ABCA13: variants seen among roughly 807,000 people sequenced by gnomAD.
ABCA13 encodes the protein ATP-binding cassette sub-family A member 13.
ABCA13 carries 476 observed loss-of-function variants against 478.7 expected under a neutral mutation model. The observed-to-expected ratio is 0.99, with a 90% CI of 0.92 to 1.07. The LOEUF is 1.07. ABCA13 is among the 50% of genes least tolerant of loss of function. The probability of loss-of-function intolerance (pLI) is 0.00; values close to 1 mark genes in which losing one functional copy is unlikely to be tolerated. For missense variants in ABCA13, 6,060 were observed against 5,910.6 expected (o/e 1.03, Z -0.83); for synonymous variants, 2,252 against 2,158.9 (o/e 1.04, Z -1.20).
chr7:48,432,969 C>T (rs1822344559), intron 42 of ABCA13, among the ~76,000 whole-genome samples: 4 of 151,932 alleles, frequency 2.6e-5, no homozygotes, highest in Admixed American at 2.6e-4. Context: ...TGAGTTTTCT[C>T]ATCACAAAAA....
chr7:48,640,556 C>A (rs1017392491), intron 59 of ABCA13, among the ~76,000 whole-genome samples: 2 of 152,106 alleles, frequency 1.3e-5, no homozygotes, highest in African/African-American at 4.8e-5. Flanking sequence ...TATTTAATCA[C>A]CGATTATACA....
At chr7:48,410,983 CTTTCTTTCTT>C (rs1563207694) in intron 40 of ABCA13, among the ~76,000 whole-genome samples, 99 of 59,850 alleles carry the variant, frequency 1.7e-3, no homozygotes, top group African/African-American at 3.2e-3. Flanking sequence ...TTTTCTCTTT[CTTTCTTTCTT>C]TCTTTCTTTC....
intron 56 of ABCA13, among the ~76,000 whole-genome samples, chr7:48,583,380 C>T (rs1328626257): frequency 6.6e-6 from 1 of 152,160 alleles, no homozygotes; most frequent in African/African-American, 2.4e-5. Flanking sequence ...CTTTACGACT[C>T]ATTTTGGTCT....
intron 3 of ABCA13, among the ~76,000 whole-genome samples, chr7:48,201,048 C>G (rs532482168): frequency 6.6e-6 from 1 of 152,114 alleles, no homozygotes; most frequent in Non-Finnish European, 1.5e-5. Flanking sequence ...TCGCTCACCG[C>G]GCAGAGCTCT....
chr7:48,443,229 A>G (rs1823862549), intron 42 of ABCA13, among the ~76,000 whole-genome samples: 2 of 152,170 alleles, frequency 1.3e-5, no homozygotes, highest in Non-Finnish European at 2.9e-5. Flanking sequence ...AGTCTGTGGT[A>G]GTTTGTTTGG....
At chr7:48,228,805 C>T (rs1788632624) in intron 6 of ABCA13, among the ~76,000 whole-genome samples, 1 of 152,192 alleles carries the variant, frequency 6.6e-6, no homozygotes, top group Admixed American at 6.5e-5. Context: ...AAATGCCTCC[C>T]TTTGTATTCT....
intron 15 of ABCA13, among the ~76,000 whole-genome samples, chr7:48,264,884 TA>T (rs1794672534): frequency 1.3e-5 from 2 of 151,790 alleles, no homozygotes; most frequent in Admixed American, 1.3e-4. Flanking sequence ...TTTTTGCCTA[TA>T]TATTTTTTCT....
At position 48,172,146 on chromosome 7, in the gene ABCA13, G is replaced by A. The variant is rs185825475; in HGVS notation, c.69+594G>A. Among the ~76,000 whole-genome samples, 448 of 152,338 alleles carry A rather than the reference G, an allele frequency of 2.9e-3. 4 individuals carry two copies. Among genetic ancestry groups the A allele is most frequent in the Admixed American group, 7.8e-3 (120 of 15,304 alleles). ...GAATACTTATGCAAATATCCTGTAA[G>A]TGTACGTTTTTGTGAAATAGAAATC... is the stretch of plus-strand genomic sequence containing the variant. On this transcript the variant is annotated intron_variant, in intron 1 of 61. Coordinates refer to ENST00000435803, the MANE Select transcript of ABCA13 (RefSeq NM_152701.5).
intron 3 of ABCA13, among the ~76,000 whole-genome samples, chr7:48,205,263 T>C (rs534041521): frequency 1.9e-4 from 29 of 152,262 alleles, no homozygotes; most frequent in Non-Finnish European, 3.7e-4. Flanking sequence ...CACCCGCTGG[T>C]CTGGAATTCA....
intron 55 of ABCA13, among the ~76,000 whole-genome samples, chr7:48,543,026 T>C (rs919513792): frequency 6.6e-6 from 1 of 151,694 alleles, no homozygotes; most frequent in Non-Finnish European, 1.5e-5. Flanking sequence ...TTTACATTAG[T>C]GATAAAAGGA....
chr7:48,394,443 A>G (rs2129059332), intron 38 of ABCA13, among the ~76,000 whole-genome samples: 1 of 152,196 alleles, frequency 6.6e-6, no homozygotes, highest in East Asian at 1.9e-4. Flanking sequence ...CTCAGACACC[A>G]TCTTACCAGA....
intron 55 of ABCA13, among the ~76,000 whole-genome samples, chr7:48,532,201 A>T (rs1563402452): frequency 1.3e-5 from 2 of 152,012 alleles, no homozygotes; most frequent in Admixed American, 1.3e-4. Context: ...GAGGGTTTTA[A>T]TCATAAAGAA....
At chr7:48,444,780 C>G (rs1463425582) in intron 42 of ABCA13, among the ~76,000 whole-genome samples, 1 of 152,160 alleles carries the variant, frequency 6.6e-6, no homozygotes, top group Admixed American at 6.6e-5. Context: ...CCAGGTACCT[C>G]CATCTCAACA....
chr7:48,568,163 A>G (rs1298741005), intron 55 of ABCA13, among the ~76,000 whole-genome samples: 2 of 152,098 alleles, frequency 1.3e-5, no homozygotes, highest in Non-Finnish European at 2.9e-5. Context: ...GAAACCCTAT[A>G]CCAATTAACA....
At position 48,432,301 on chromosome 7, in the gene ABCA13, A is replaced by G. The variant is rs56129404; in HGVS notation, c.12565+4430A>G. Reference sequence around the variant, plus strand: ...CCTTATATCTGTTAGAATAATTAATATTAAAAAGACAAAAGATAACACATG... The same window carrying G: ...CCTTATATCTGTTAGAATAATTAATGTTAAAAAGACAAAAGATAACACATG... On this transcript the variant is annotated intron_variant, in intron 42 of 61. Transcript: ENST00000435803. 8.1e-3 allele frequency among the ~76,000 whole-genome samples: 1,237 copies of G among 152,306 alleles called. 16 individuals carry two copies. The highest frequency in any genetic ancestry group is 0.028 in the African/African-American group (1,162 of 41,576).
intron 42 of ABCA13, among the ~76,000 whole-genome samples, chr7:48,434,968 A>G (rs567712938): frequency 6.6e-6 from 1 of 151,934 alleles, no homozygotes; most frequent in South Asian, 2.1e-4. Flanking sequence ...ATATTTATCA[A>G]TATTGTTTTA....
rs1280212847 is a variant in ABCA13, at chr7:48,507,886, G to A, written c.13361G>A (p.Arg4454His). 1.1e-5 allele frequency: 17 copies of A among 1,609,498 alleles called. No homozygotes were observed. The East Asian group carries it at 1.3e-4, about 13-fold the overall frequency. ...TCCACCCGCAGCCTGGAGAGCATCC[G>A]TCAGTGTGGAGTGGCCCTCTGCATC... ...LNEDKILESI[R>H]QCGVALCIVL... The change falls in exon 50 of 62, where the codon CGT becomes CAT. Residue 4454 changes from arginine to histidine, a missense_variant. Arg to His is a conservative substitution (Grantham distance 29). This residue lies in a region of ABCA13 where 1,627 missense variants were observed against 1,571.0 expected (regional missense o/e 1.04). Transcript: ENST00000435803.
At chr7:48,496,520 C>T (rs139412543) in intron 48 of ABCA13, among the ~76,000 whole-genome samples, 3 of 152,060 alleles carry the variant, frequency 2.0e-5, no homozygotes, top group Non-Finnish European at 4.4e-5. Context: ...CTATTTTTAA[C>T]GTATCTTGAT....
At chr7:48,286,406 G>A (rs1562969101) in intron 19 of ABCA13, among the ~76,000 whole-genome samples, 1 of 152,220 alleles carries the variant, frequency 6.6e-6, no homozygotes. Flanking sequence ...TTTCCAGCAC[G>A]TCATTGAGTT....
Sources: gnomAD v4.1 joint callset for allele counts (sites outside exome capture counted in the v4.1 genomes callset) on GRCh38, gnomAD v4.1.1 for gene constraint, gnomAD v4.1.1 regional missense constraint, MANE v1.5 for transcripts, NCBI Gene and HGNC (gene_info 2026-07-23, HGNC 2026-07-21) for gene names.